The following METTL15 variants were observed in gnomAD, a reference collection of about 807,000 sequenced individuals.
METTL15 encodes the protein methyltransferase 15, mitochondrial 12S rRNA N4-cytidine.
A neutral mutation model predicts 38.3 loss-of-function variants in METTL15; 34 were observed. That is an observed-to-expected ratio of 0.89 (90% CI 0.68 to 1.18). METTL15 has a LOEUF of 1.18. Ranked by LOEUF, METTL15 falls within the 50% of genes most tolerant of loss-of-function variation. The probability of loss-of-function intolerance (pLI) is 0.00; values close to 1 mark genes in which losing one functional copy is unlikely to be tolerated. For synonymous variants in METTL15, 162 were observed against 170.9 expected, an observed-to-expected ratio of 0.95 and a Z score of 0.41; for missense variants, 438 against 498.4, an observed-to-expected ratio of 0.88 and a Z score of 1.15.
intron 4 of METTL15, among the ~76,000 whole-genome samples, chr11:28,359,877 A>T (rs941183073): frequency 6.6e-6 from 1 of 152,158 alleles, no homozygotes; most frequent in Admixed American, 6.5e-5. Context: ...TTAACTTCTA[A>T]ACTGCATTAA....
At chr11:28,124,525 CAAAG>C (rs1482206581) in intron 3 of METTL15, among the ~76,000 whole-genome samples, 11 of 151,860 alleles carry the variant, frequency 7.2e-5, no homozygotes, top group African/African-American at 2.7e-4. Context: ...ATAAATTGCT[CAAAG>C]AAAGATATGG....
chr11:28,517,930 C>T (rs1165684545), intron 6 of METTL15, among the ~76,000 whole-genome samples: 1 of 152,198 alleles, frequency 6.6e-6, no homozygotes, highest in East Asian at 1.9e-4. Context: ...AAACTTCAAA[C>T]TTGAGCAAAC....
At chr11:28,377,752 C>G (rs1187637019) in intron 5 of METTL15, among the ~76,000 whole-genome samples, 1 of 152,036 alleles carries the variant, frequency 6.6e-6, no homozygotes, top group Non-Finnish European at 1.5e-5. Flanking sequence ...TTAGAGTTTC[C>G]AGTTTTTCTG....
At chr11:28,130,933 C>T (rs981778428) in intron 3 of METTL15, among the ~76,000 whole-genome samples, 5 of 151,916 alleles carry the variant, frequency 3.3e-5, no homozygotes, top group African/African-American at 9.7e-5. Flanking sequence ...TTGTTGCTGC[C>T]CCCTCTCCTT....
chr11:28,249,839 A>G (rs548617701), intron 4 of METTL15, among the ~76,000 whole-genome samples: 1 of 152,108 alleles, frequency 6.6e-6, no homozygotes, highest in Admixed American at 6.6e-5. Flanking sequence ...TAATAAGCAC[A>G]ATACCTGATA....
chr11:28,238,740 G>A (rs191207657), intron 4 of METTL15, among the ~76,000 whole-genome samples: 10 of 152,206 alleles, frequency 6.6e-5, no homozygotes, highest in Non-Finnish European at 1.2e-4. Context: ...TTCCTATTTG[G>A]GCATCTTGGC....
At chr11:28,376,706 T>G (rs1275495446) in intron 5 of METTL15, among the ~76,000 whole-genome samples, 3 of 151,926 alleles carry the variant, frequency 2.0e-5, no homozygotes, top group African/African-American at 4.8e-5. Context: ...GTCATTATGA[T>G]GTTAGCTGGT....
chr11:28,276,402 CTA>C (rs1855844299), intron 4 of METTL15, among the ~76,000 whole-genome samples: 1 of 152,010 alleles, frequency 6.6e-6, no homozygotes, highest in Non-Finnish European at 1.5e-5. Context: ...GGAAAGATCT[CTA>C]TAAGAAAAAC....
intron 3 of METTL15, among the ~76,000 whole-genome samples, chr11:28,178,573 A>G (rs546593763): frequency 1.3e-4 from 20 of 151,934 alleles, no homozygotes; most frequent in Non-Finnish European, 1.9e-4. Context: ...ACAAGGCCAG[A>G]TATTAATAGT....
intron 4 of METTL15, among the ~76,000 whole-genome samples, chr11:28,232,302 A>G (rs1351831155): frequency 2.6e-5 from 4 of 151,784 alleles, no homozygotes; most frequent in Admixed American, 6.6e-5. Flanking sequence ...TTTCACTACT[A>G]TTTCCACTTG....
intron 3 of METTL15, among the ~76,000 whole-genome samples, chr11:28,207,356 A>C (rs529713549): frequency 6.6e-6 from 1 of 152,198 alleles, no homozygotes; most frequent in South Asian, 2.1e-4. Flanking sequence ...TTCTGCATGT[A>C]TTGAGATAAT....
intron 3 of METTL15, among the ~76,000 whole-genome samples, chr11:28,190,759 A>G (rs1565153855): frequency 2.0e-5 from 3 of 151,322 alleles, no homozygotes; most frequent in Admixed American, 2.0e-4. Flanking sequence ...GAGGGAGACA[A>G]TGTTTACTTA....
chr11:28,408,699 T>G (rs1378775505), intron 5 of METTL15, among the ~76,000 whole-genome samples: 1 of 152,200 alleles, frequency 6.6e-6, no homozygotes, highest in African/African-American at 2.4e-5. Flanking sequence ...TACTGACATA[T>G]GTAATATACA....
At chr11:28,116,689 T>C (rs1481961555) in intron 3 of METTL15, among the ~76,000 whole-genome samples, 2 of 152,210 alleles carry the variant, frequency 1.3e-5, no homozygotes, top group African/African-American at 4.8e-5. Flanking sequence ...TTCATAAAAA[T>C]ATTATTTACC....
At chr11:28,236,655 T>TG (rs1162519530) in intron 4 of METTL15, among the ~76,000 whole-genome samples, 1 of 152,182 alleles carries the variant, frequency 6.6e-6, no homozygotes, top group Non-Finnish European at 1.5e-5. Context: ...TGATGTTAGC[T>TG]GGTTATTTTG....
intron 4 of METTL15, among the ~76,000 whole-genome samples, chr11:28,239,865 C>T (rs889252313): frequency 3.9e-5 from 6 of 152,176 alleles, no homozygotes; most frequent in Non-Finnish European, 8.8e-5. Flanking sequence ...TGTTATACAA[C>T]ATCACCCTTT....
intron 5 of METTL15, among the ~76,000 whole-genome samples, chr11:28,404,819 C>G (rs1463872173): frequency 6.6e-6 from 1 of 152,046 alleles, no homozygotes; most frequent in Non-Finnish European, 1.5e-5. Flanking sequence ...AAAGACAGGA[C>G]AGAGGCGCAT....
chr11:28,220,671 A>G (rs1853163834), intron 4 of METTL15, among the ~76,000 whole-genome samples: 1 of 152,042 alleles, frequency 6.6e-6, no homozygotes, highest in South Asian at 2.1e-4. Context: ...GGTCTTTACA[A>G]TTTGGCATGT....
chr11:28,221,496 A>C (rs545839809), intron 4 of METTL15, among the ~76,000 whole-genome samples: 3 of 151,924 alleles, frequency 2.0e-5, no homozygotes, highest in South Asian at 2.1e-4. Context: ...CTTCTTTGCC[A>C]TGGGTTTGTA....
Sources: allele counts gnomAD v4.1 joint callset (sites outside exome capture counted in the v4.1 genomes callset), GRCh38; gene constraint gnomAD v4.1.1; transcripts MANE v1.5; gene names NCBI Gene and HGNC (gene_info 2026-07-23, HGNC 2026-07-21).